The following FHIT variants were observed in gnomAD, a reference collection of about 807,000 sequenced individuals.
FHIT encodes fragile histidine triad diadenosine triphosphatase.
FHIT carries 19 observed loss-of-function variants against 17.9 expected under a neutral mutation model. The observed-to-expected ratio is 1.06, with a 90% CI of 0.74 to 1.56. The LOEUF is 1.56. FHIT is among the 40% of genes most tolerant of loss of function. FHIT has a pLI of 0.00. For synonymous variants in FHIT, 81 were observed against 69.7 expected (o/e 1.16, Z -0.81); for missense variants, 248 against 189.2 (o/e 1.31, Z -1.82).
chr3:61,187,760 A>T (rs2107193818), intron 2 of FHIT, among the ~76,000 whole-genome samples: 1 of 152,336 alleles, frequency 6.6e-6, no homozygotes, highest in Non-Finnish European at 1.5e-5. Flanking sequence ...TCAAACTAGA[A>T]CTGAGGATTA....
At chr3:60,576,590 T>C (rs1330635512) in intron 4 of FHIT, among the ~76,000 whole-genome samples, 1 of 152,136 alleles carries the variant, frequency 6.6e-6, no homozygotes, top group Non-Finnish European at 1.5e-5. Context: ...CACAATTCCA[T>C]GACGTTAATC....
intron 3 of FHIT, among the ~76,000 whole-genome samples, chr3:61,033,591 A>G (rs2033108293): frequency 6.6e-6 from 1 of 152,202 alleles, no homozygotes; most frequent in African/African-American, 2.4e-5. Context: ...TGGGGCTTAC[A>G]TCTGTGGTTC....
chr3:60,211,268 A>G (rs1703441495), intron 5 of FHIT, among the ~76,000 whole-genome samples: 1 of 152,004 alleles, frequency 6.6e-6, no homozygotes, highest in Non-Finnish European at 1.5e-5. Context: ...ACATGTATGT[A>G]TATCCACATA....
At chr3:60,616,335 C>G (rs890110206) in intron 4 of FHIT, among the ~76,000 whole-genome samples, 1 of 152,146 alleles carries the variant, frequency 6.6e-6, no homozygotes, top group Non-Finnish European at 1.5e-5. Flanking sequence ...TTCACAAAAG[C>G]AACACCTGGT....
intron 5 of FHIT, among the ~76,000 whole-genome samples, chr3:60,505,550 T>C (rs1001166634): frequency 6.6e-6 from 1 of 152,102 alleles, no homozygotes; most frequent in Non-Finnish European, 1.5e-5. Flanking sequence ...CAGACGCACA[T>C]TCTCTCTCAT....
intron 4 of FHIT, among the ~76,000 whole-genome samples, chr3:60,622,796 G>T (rs1454985582): frequency 6.6e-6 from 1 of 152,168 alleles, no homozygotes; most frequent in Non-Finnish European, 1.5e-5. Context: ...GTGCATCAAG[G>T]TTTGAAACAA....
intron 5 of FHIT, among the ~76,000 whole-genome samples, chr3:60,232,660 C>A (rs112552766): frequency 6.6e-6 from 1 of 152,260 alleles, no homozygotes; most frequent in African/African-American, 2.4e-5. Flanking sequence ...AGTTCTGCCT[C>A]CAGGCATATC....
At chr3:60,651,917 T>C (rs1394527274) in intron 4 of FHIT, among the ~76,000 whole-genome samples, 1 of 152,144 alleles carries the variant, frequency 6.6e-6, no homozygotes, top group Non-Finnish European at 1.5e-5. Context: ...CAAAATACTT[T>C]CTAAATGATA....
intron 7 of FHIT, among the ~76,000 whole-genome samples, chr3:59,948,963 G>A (rs1231252555): frequency 6.6e-6 from 1 of 152,050 alleles, no homozygotes; most frequent in East Asian, 1.9e-4. Flanking sequence ...TGAAGCTGAG[G>A]TTTGGGGGAT....
intron 2 of FHIT, among the ~76,000 whole-genome samples, chr3:61,081,923 A>G (rs2035150622): frequency 6.6e-6 from 1 of 152,078 alleles, no homozygotes; most frequent in Non-Finnish European, 1.5e-5. Flanking sequence ...TATTAAATCA[A>G]TCACCAAGTC....
chr3:59,944,564 G>C (rs1043734133), intron 7 of FHIT, among the ~76,000 whole-genome samples: 1 of 151,650 alleles, frequency 6.6e-6, no homozygotes, highest in Non-Finnish European at 1.5e-5. Context: ...TTAAGCGCAA[G>C]TTTGTTATAT....
intron 8 of FHIT, among the ~76,000 whole-genome samples, chr3:59,791,469 G>GC (rs1699557328): frequency 6.6e-6 from 1 of 152,158 alleles, no homozygotes; most frequent in South Asian, 2.1e-4. Flanking sequence ...CATTGCTTGT[G>GC]CCCCTGGATC....
chr3:59,856,016 C>T (rs878977698), intron 8 of FHIT, among the ~76,000 whole-genome samples: 1 of 151,984 alleles, frequency 6.6e-6, no homozygotes, highest in Non-Finnish European at 1.5e-5. Context: ...CTCCTGACTT[C>T]GTGATCCACC....
intron 7 of FHIT, among the ~76,000 whole-genome samples, chr3:59,945,217 T>C (rs1477015856): frequency 1.3e-5 from 2 of 152,176 alleles, no homozygotes; most frequent in African/African-American, 4.8e-5. Context: ...ATAGCCATTC[T>C]GAATGGTATG....
intron 7 of FHIT, among the ~76,000 whole-genome samples, chr3:59,979,766 C>T (rs899361996): frequency 2.6e-5 from 4 of 152,058 alleles, no homozygotes; most frequent in African/African-American, 7.2e-5. Context: ...AATGAGTAAG[C>T]CCGTGTGACA....
At chr3:60,971,229 G>A (rs1306574421) in intron 3 of FHIT, among the ~76,000 whole-genome samples, 3 of 152,116 alleles carry the variant, frequency 2.0e-5, no homozygotes, top group African/African-American at 7.2e-5. Context: ...AGTTAGCCGA[G>A]CATGGTGGTG....
chr3:60,045,444 T>A (rs1209702180), intron 5 of FHIT, among the ~76,000 whole-genome samples: 1 of 152,088 alleles, frequency 6.6e-6, no homozygotes, highest in Non-Finnish European at 1.5e-5. Flanking sequence ...TCAGATCTTA[T>A]GAGACTCACC....
intron 4 of FHIT, among the ~76,000 whole-genome samples, chr3:60,656,025 G>A (rs2040106604): frequency 6.6e-6 from 1 of 152,186 alleles, no homozygotes; most frequent in African/African-American, 2.4e-5. Context: ...TTGGTTCTGA[G>A]TTCAATTACA....
intron 4 of FHIT, among the ~76,000 whole-genome samples, chr3:60,621,623 G>C (rs1553678658): frequency 6.6e-6 from 1 of 152,026 alleles, no homozygotes; most frequent in East Asian, 1.9e-4. Flanking sequence ...ACATGTGCAA[G>C]GTGGTCACTA....
Sources: gnomAD v4.1 joint callset for allele counts (sites outside exome capture counted in the v4.1 genomes callset) on GRCh38, gnomAD v4.1.1 for gene constraint, MANE v1.5 for transcripts, NCBI Gene and HGNC (gene_info 2026-07-23, HGNC 2026-07-21) for gene names.